Variants in WWOX observed in about 807,000 individuals in gnomAD.
The protein encoded by WWOX is WW domain-containing oxidoreductase.
WWOX carries 69 observed loss-of-function variants against 46.2 expected under a neutral mutation model. That is an observed-to-expected ratio of 1.49 (90% CI 1.23 to 1.82). The LOEUF (loss-of-function observed/expected upper bound fraction) is 1.82. WWOX is among the 40% of genes most tolerant of loss of function. WWOX has a pLI of 0.00. For synonymous variants in WWOX, 359 were observed against 202.6 expected (o/e 1.77, Z -6.56); for missense variants, 919 against 542.6 (o/e 1.69, Z -6.89).
At chr16:78,957,059 C>G (rs1437485800) in intron 8 of WWOX, among the ~76,000 whole-genome samples, 1 of 152,162 alleles carries the variant, frequency 6.6e-6, no homozygotes, top group Admixed American at 6.5e-5. Context: ...ATGTGACTTT[C>G]TATATCATCC....
intron 8 of WWOX, among the ~76,000 whole-genome samples, chr16:78,453,218 G>A (rs1279981569): frequency 2.0e-5 from 3 of 152,066 alleles, no homozygotes; most frequent in Admixed American, 2.0e-4. Context: ...AAGGTCAGGA[G>A]TTTGATAATA....
intron 8 of WWOX, among the ~76,000 whole-genome samples, chr16:78,489,126 AAGC>A (rs2084714147): frequency 6.6e-6 from 1 of 152,190 alleles, no homozygotes; most frequent in Non-Finnish European, 1.5e-5. Context: ...TCAATAGTGA[AAGC>A]AGGTTCTGTT....
At chr16:78,789,430 T>C (rs1009227073) in intron 8 of WWOX, among the ~76,000 whole-genome samples, 6 of 152,230 alleles carry the variant, frequency 3.9e-5, no homozygotes, top group African/African-American at 1.4e-4. Flanking sequence ...AAATGGTCTT[T>C]GCACCCTTAT....
At chr16:78,105,709 C>G (rs2032096142) in intron 1 of WWOX, among the ~76,000 whole-genome samples, 1 of 152,194 alleles carries the variant, frequency 6.6e-6, no homozygotes, top group East Asian at 1.9e-4. Flanking sequence ...TCTGAGGGCC[C>G]AGCTTCACCT....
chr16:78,459,912 C>G (rs1020143055), intron 8 of WWOX, among the ~76,000 whole-genome samples: 1 of 151,720 alleles, frequency 6.6e-6, no homozygotes, highest in Non-Finnish European at 1.5e-5. Context: ...TCAGGTGATC[C>G]TCCCACCTCA....
At chr16:79,195,929 G>T (rs1202879718) in intron 8 of WWOX, among the ~76,000 whole-genome samples, 1 of 152,180 alleles carries the variant, frequency 6.6e-6, no homozygotes, top group African/African-American at 2.4e-5. Flanking sequence ...CCTCTCAAGT[G>T]GGAAAAATTT....
At chr16:78,352,386 A>G (rs1597081033) in intron 5 of WWOX, among the ~76,000 whole-genome samples, 1 of 152,238 alleles carries the variant, frequency 6.6e-6, no homozygotes, top group African/African-American at 2.4e-5. Flanking sequence ...ATGTGTCAGC[A>G]GGACACCATT....
chr16:78,537,849 G>T lies in WWOX; in HGVS notation c.1056+105097G>T, dbSNP rs74856518. Among the ~76,000 whole-genome samples, 3 of 152,094 alleles carry T rather than the reference G, an allele frequency of 2.0e-5. 1 individual carries two copies. The highest frequency in any genetic ancestry group is 4.1e-4 in the South Asian group (2 of 4,824). The stretch of plus-strand genomic sequence containing the variant: ...ATCCACCCACGTGTTGGTGCCACCC[G>T]GCAGTGGAAAAGCCTCTGGCCTCGG... On this transcript the variant is annotated intron_variant, in intron 8 of 8. Coordinates refer to ENST00000566780, the MANE Select transcript of WWOX (RefSeq NM_016373.4).
intron 8 of WWOX, among the ~76,000 whole-genome samples, chr16:78,655,697 T>G (rs1055632621): frequency 5.9e-5 from 9 of 152,310 alleles, no homozygotes; most frequent in Middle Eastern, 6.8e-3. Context: ...GGAGGGTGAT[T>G]AATTATTTAC....
chr16:78,633,375 G>C (rs2046487232), intron 8 of WWOX, among the ~76,000 whole-genome samples: 1 of 152,126 alleles, frequency 6.6e-6, no homozygotes, highest in African/African-American at 2.4e-5. Context: ...AGGAGCTCTT[G>C]GATTGCAATT....
chr16:79,069,501 T>C (rs916534763), intron 8 of WWOX, among the ~76,000 whole-genome samples: 4 of 152,136 alleles, frequency 2.6e-5, no homozygotes, highest in African/African-American at 9.7e-5. Context: ...AACCGACTTA[T>C]TTATCACAAC....
At chr16:78,958,219 C>G (rs560305761) in intron 8 of WWOX, among the ~76,000 whole-genome samples, 3 of 152,314 alleles carry the variant, frequency 2.0e-5, no homozygotes, top group Non-Finnish European at 4.4e-5. Context: ...TCAGCTCCAG[C>G]TACTTCTGAA....
At chr16:78,895,169 A>G (rs915307117) in intron 8 of WWOX, among the ~76,000 whole-genome samples, 1 of 152,242 alleles carries the variant, frequency 6.6e-6, no homozygotes, top group African/African-American at 2.4e-5. Flanking sequence ...TTCAAAGTTG[A>G]TAGCATCAAC....
intron 5 of WWOX, among the ~76,000 whole-genome samples, chr16:78,382,261 G>C (rs1567538735): frequency 1.3e-5 from 2 of 152,144 alleles, no homozygotes; most frequent in South Asian, 4.1e-4. Flanking sequence ...ACATGACTTT[G>C]TCAAGGAAAT....
intron 5 of WWOX, among the ~76,000 whole-genome samples, chr16:78,285,635 A>G (rs1208722351): frequency 6.6e-6 from 1 of 152,126 alleles, no homozygotes; most frequent in Non-Finnish European, 1.5e-5. Flanking sequence ...GCCTTTAGCC[A>G]GTAGGTAAGG....
At chr16:79,002,319 G>T (rs2047109873) in intron 8 of WWOX, among the ~76,000 whole-genome samples, 1 of 132,394 alleles carries the variant, frequency 7.6e-6, no homozygotes, top group East Asian at 2.5e-4. Flanking sequence ...CACCTTCCAA[G>T]TTCAAGTGAT....
chr16:78,997,668 C>A (rs2047016668), intron 8 of WWOX, among the ~76,000 whole-genome samples: 1 of 152,072 alleles, frequency 6.6e-6, no homozygotes, highest in South Asian at 2.1e-4. Flanking sequence ...CTGTCTCTCC[C>A]CTCTCCTCCC....
rs115910987 is a variant in WWOX, at chr16:78,571,656, G to A, written c.1056+138904G>A. Among the ~76,000 whole-genome samples, 955 of 152,204 alleles carry A rather than the reference G, an allele frequency of 6.3e-3. 8 individuals carry two copies. Among genetic ancestry groups the A allele is most frequent in the African/African-American group, 0.022 (897 of 41,516 alleles). On this transcript the variant is annotated intron_variant, in intron 8 of 8. Transcript: ENST00000566780. ...GTCCAAGGCAGGTGGATTACTTGAG[G>A]TCAGAAGCTCCAGACCAGCCTGGCC...
At chr16:78,939,901 C>G (rs2045817685) in intron 8 of WWOX, among the ~76,000 whole-genome samples, 1 of 152,180 alleles carries the variant, frequency 6.6e-6, no homozygotes, top group Non-Finnish European at 1.5e-5. Context: ...CATGCTTTTG[C>G]TCAAGTTGAA....
Sources: gnomAD v4.1 joint callset for allele counts (sites outside exome capture counted in the v4.1 genomes callset) on GRCh38, gnomAD v4.1.1 for gene constraint, MANE v1.5 for transcripts, NCBI Gene and HGNC (gene_info 2026-07-23, HGNC 2026-07-21) for gene names.